TENM1: variants seen among roughly 807,000 people sequenced by gnomAD.
TENM1 encodes teneurin transmembrane protein 1.
TENM1 carries 35 observed loss-of-function variants against 174.8 expected under a neutral mutation model. The ratio of observed to expected loss-of-function variants is 0.20; its 90% confidence interval spans 0.15 to 0.27. TENM1 has a LOEUF of 0.27. TENM1 is among the 10% of genes least tolerant of loss of function. The pLI is 1.00. For missense variants in TENM1, 1,633 were observed against 2,130.1 expected (o/e 0.77, Z 4.59); for synonymous variants, 781 against 798.7 (o/e 0.98, Z 0.37).
chrX:124,619,015 T>A (rs998195693), intron 11 of TENM1, among the ~76,000 whole-genome samples: 1 of 111,797 alleles, frequency 8.9e-6, no homozygotes, highest in African/African-American at 3.3e-5. Flanking sequence ...CCCAGGAGTA[T>A]CATGTTGTAG....
chrX:124,888,176 T>C (rs2057419380), intron 3 of TENM1, among the ~76,000 whole-genome samples: 1 of 111,717 alleles, frequency 9.0e-6, no homozygotes, highest in Non-Finnish European at 1.9e-5. Context: ...TATGATGGTA[T>C]GTTTATTGGT....
intron 8 of TENM1, among the ~76,000 whole-genome samples, chrX:124,650,980 G>A (rs1460614803): frequency 9.0e-6 from 1 of 111,697 alleles, no homozygotes; most frequent in Non-Finnish European, 1.9e-5. Context: ...GAACATAATT[G>A]TTAAAAAGAG....
intron 1 of TENM1, among the ~76,000 whole-genome samples, chrX:124,952,902 C>G (rs1202132455): frequency 8.9e-6 from 1 of 111,763 alleles, no homozygotes; most frequent in East Asian, 2.8e-4. Flanking sequence ...TCAGTTTATA[C>G]TGGTGGGACA....
At chrX:125,120,563 C>G in the TENM1 span, among the ~76,000 whole-genome samples, 1 of 110,741 alleles carries the variant, frequency 9.0e-6, no homozygotes, top group African/African-American at 3.3e-5. Context: ...TTCTTCTTTA[C>G]AATCACTTGT....
the TENM1 span, among the ~76,000 whole-genome samples, chrX:125,101,202 G>T: frequency 8.9e-6 from 1 of 111,893 alleles, no homozygotes; most frequent in Non-Finnish European, 1.9e-5. Context: ...TATTTTTGCT[G>T]CAGGAATCCT....
the TENM1 span, among the ~76,000 whole-genome samples, chrX:124,982,270 G>GAAAAAAAAAAAAAAAAAAAAAAC: frequency 9.5e-5 from 1 of 10,555 alleles, no homozygotes; most frequent in African/African-American, 8.1e-4. Flanking sequence ...AAGAAAATGT[G>GAAAAAAAAAAAAAAAAAAAAAAC]AAAAAAAAAA....
the TENM1 span, among the ~76,000 whole-genome samples, chrX:125,122,610 C>T: frequency 3.6e-5 from 4 of 111,348 alleles, no homozygotes; most frequent in African/African-American, 1.3e-4. Context: ...TACTCATTGC[C>T]AGGCACAGTT....
intron 12 of TENM1, among the ~76,000 whole-genome samples, chrX:124,564,186 G>A (rs915275092): frequency 9.0e-6 from 1 of 111,545 alleles, no homozygotes; most frequent in African/African-American, 3.3e-5. Context: ...TAAACTTACT[G>A]TAGTACAGGA....
intron 4 of TENM1, among the ~76,000 whole-genome samples, chrX:124,710,534 G>A: frequency 2.7e-5 from 3 of 111,914 alleles, no homozygotes; most frequent in Middle Eastern, 9.2e-3. Context: ...GCAATTACAA[G>A]AATAATCAAT....
At chrX:124,629,142 C>T (rs1166992600) in intron 11 of TENM1, among the ~76,000 whole-genome samples, 1 of 112,266 alleles carries the variant, frequency 8.9e-6, no homozygotes, top group Non-Finnish European at 1.9e-5. Context: ...GGAGGTACTT[C>T]CAATCACTGA....
At chrX:124,491,580 A>C (rs767010565) in intron 20 of TENM1, among the ~76,000 whole-genome samples, 34 of 111,774 alleles carry the variant, frequency 3.0e-4, no homozygotes, top group Non-Finnish European at 3.8e-4. Context: ...ATACGAATGA[A>C]ATCTGCAGGA....
the TENM1 span, among the ~76,000 whole-genome samples, chrX:125,162,841 A>T: frequency 9.0e-6 from 1 of 111,290 alleles, no homozygotes; most frequent in African/African-American, 3.3e-5. Context: ...TGCCCCCTTG[A>T]ACACTGCAAA....
chrX:125,092,226 C>A, the TENM1 span, among the ~76,000 whole-genome samples: 1 of 110,901 alleles, frequency 9.0e-6, no homozygotes, highest in Non-Finnish European at 1.9e-5. Context: ...AAGAATCTAC[C>A]AAACACATTT....
chrX:124,698,532 T>C (rs2052702232), intron 5 of TENM1, among the ~76,000 whole-genome samples: 1 of 111,470 alleles, frequency 9.0e-6, no homozygotes, highest in Non-Finnish European at 1.9e-5. Flanking sequence ...TTTTCAATTT[T>C]ACAAACCCAT....
chrX:124,922,142 T>C (rs1449853802), intron 1 of TENM1, among the ~76,000 whole-genome samples: 1 of 111,635 alleles, frequency 9.0e-6, no homozygotes, highest in African/African-American at 3.2e-5. Context: ...CTCAAACATC[T>C]TTCTCTGACC....
chrX:124,602,383 C>T (rs888276177), intron 11 of TENM1, among the ~76,000 whole-genome samples: 25 of 111,008 alleles, frequency 2.3e-4, no homozygotes, highest in African/African-American at 5.9e-4. Context: ...AAACCCTTGA[C>T]CAATTTTCCA....
chrX:124,581,859 C>A (rs1054983399), intron 11 of TENM1, among the ~76,000 whole-genome samples: 1 of 111,617 alleles, frequency 9.0e-6, no homozygotes, highest in Non-Finnish European at 1.9e-5. Flanking sequence ...AGTGTCTATT[C>A]ATATCTTTTG....
chrX:124,977,100 TG>T, the TENM1 span, among the ~76,000 whole-genome samples: 39 of 111,747 alleles, frequency 3.5e-4, no homozygotes, highest in African/African-American at 1.1e-3. Context: ...TTGGGCCCAT[TG>T]TGTCACGTAC....
chrX:125,050,984 G>A, the TENM1 span, among the ~76,000 whole-genome samples: 2 of 111,909 alleles, frequency 1.8e-5, no homozygotes, highest in Non-Finnish European at 3.8e-5. Context: ...TAAGCTGATA[G>A]GCAACTTCAG....
Sources: gnomAD v4.1 joint callset for allele counts (sites outside exome capture counted in the v4.1 genomes callset) on GRCh38, gnomAD v4.1.1 for gene constraint, MANE v1.5 for transcripts, NCBI Gene and HGNC (gene_info 2026-07-23, HGNC 2026-07-21) for gene names.